SAMMSON: variants seen among roughly 807,000 people sequenced by gnomAD.
SAMMSON encodes the protein survival associated mitochondrial melanoma specific oncogenic non-coding RNA, also known as long intergenic non-protein coding RNA 1212.
At chr3:70,017,315 T>G (rs535907300) in intron 3 of SAMMSON, among the ~76,000 whole-genome samples, 6 of 152,084 alleles carry the variant, frequency 3.9e-5, no homozygotes, top group African/African-American at 1.4e-4. Context: ...CCCTTGTAAG[T>G]TGGATTCCTA....
intron 3 of SAMMSON, among the ~76,000 whole-genome samples, chr3:70,019,569 T>C (rs2067001886): frequency 6.6e-6 from 1 of 152,200 alleles, no homozygotes; most frequent in Non-Finnish European, 1.5e-5. Flanking sequence ...ATTGGAGCAT[T>C]TAGCCCATTT....
At chr3:70,415,192 T>C (rs1339642071) in intron 2 of SAMMSON, among the ~76,000 whole-genome samples, 2 of 152,140 alleles carry the variant, frequency 1.3e-5, no homozygotes, top group Non-Finnish European at 2.9e-5. Flanking sequence ...TTTAAGATAT[T>C]ATGAATTCAT....
chr3:70,016,250 G>A lies in SAMMSON; in HGVS notation n.417+2578G>A, dbSNP rs370405251. On this transcript the variant is annotated intron_variant and non_coding_transcript_variant, in intron 3 of 9. Coordinates refer to ENST00000642114, the Ensembl canonical transcript of SAMMSON. ...GTTGTTTCCTGACTTTTTAATGATT[G>A]CCATTCTAACTGGTGTGAGATGGAA... 6.2e-4 allele frequency among the ~76,000 whole-genome samples: 94 copies of A among 152,238 alleles called. No homozygotes were observed. In the East Asian group the frequency reaches 0.015, roughly 24 times the overall value.
intron 4 of SAMMSON, among the ~76,000 whole-genome samples, chr3:70,215,555 A>C (rs1053230553): frequency 2.6e-5 from 4 of 152,064 alleles, no homozygotes; most frequent in African/African-American, 9.7e-5. Flanking sequence ...AGCTTCCTAC[A>C]ACTGTCCCCT....
chr3:70,066,345 T>G (rs2067210504), intron 3 of SAMMSON, among the ~76,000 whole-genome samples: 1 of 152,158 alleles, frequency 6.6e-6, no homozygotes, highest in South Asian at 2.1e-4. Flanking sequence ...TTTATAATGT[T>G]GTTGTTAATC....
intron 3 of SAMMSON, chr3:70,014,400 A>T (rs1474768369): frequency 6.6e-6 from 1 of 151,576 alleles, no homozygotes; most frequent in African/African-American, 2.4e-5. Flanking sequence ...GTTCACTACG[A>T]GGAGACTTCA....
At chr3:70,257,913 T>C (rs1248218912) in intron 6 of SAMMSON, among the ~76,000 whole-genome samples, 1 of 152,180 alleles carries the variant, frequency 6.6e-6, no homozygotes, top group Non-Finnish European at 1.5e-5. Flanking sequence ...CAGCATGGTA[T>C]TGGTGTAAGG....
chr3:70,155,660 C>A (rs2067589414), intron 4 of SAMMSON, among the ~76,000 whole-genome samples: 1 of 152,048 alleles, frequency 6.6e-6, no homozygotes, highest in African/African-American at 2.4e-5. Flanking sequence ...TTCTTTCTAC[C>A]CCTTTCTTTC....
chr3:70,342,787 TTA>T (rs1326634038), intron 7 of SAMMSON, among the ~76,000 whole-genome samples: 1 of 152,198 alleles, frequency 6.6e-6, no homozygotes, highest in African/African-American at 2.4e-5. Context: ...GTAAATGTGA[TTA>T]TGTTTCTTTT....
intron 4 of SAMMSON, among the ~76,000 whole-genome samples, chr3:70,133,331 A>G (rs1335441727): frequency 1.3e-5 from 2 of 152,176 alleles, no homozygotes; most frequent in African/African-American, 4.8e-5. Flanking sequence ...GGGTTCAGAG[A>G]GCTTCCGAGC....
chr3:70,104,697 C>T (rs901171318), intron 4 of SAMMSON, among the ~76,000 whole-genome samples: 3 of 152,140 alleles, frequency 2.0e-5, no homozygotes, highest in South Asian at 2.1e-4. Flanking sequence ...TAGAACACCT[C>T]AAGAGATTCC....
At chr3:70,296,785 A>G (rs977831024) in intron 7 of SAMMSON, among the ~76,000 whole-genome samples, 3 of 151,828 alleles carry the variant, frequency 2.0e-5, no homozygotes, top group Non-Finnish European at 4.4e-5. Flanking sequence ...CTTTCTTCCA[A>G]TCTGCTTTTT....
chr3:70,307,410 A>T (rs1270750558), intron 7 of SAMMSON, among the ~76,000 whole-genome samples: 1 of 152,126 alleles, frequency 6.6e-6, no homozygotes, highest in Non-Finnish European at 1.5e-5. Context: ...TCTCTTCCGT[A>T]TCAAATGGTG....
chr3:70,069,484 A>C (rs2067222153), intron 3 of SAMMSON: 1 of 152,124 alleles, frequency 6.6e-6, no homozygotes, highest in Non-Finnish European at 1.5e-5. Context: ...AGTGCTGGAC[A>C]CTTACTGTAG....
At chr3:70,341,939 G>A (rs1237078078) in intron 7 of SAMMSON, among the ~76,000 whole-genome samples, 2 of 152,044 alleles carry the variant, frequency 1.3e-5, no homozygotes, top group Non-Finnish European at 2.9e-5. Context: ...GATATCCCTG[G>A]GAATCAAAGA....
intron 4 of SAMMSON, among the ~76,000 whole-genome samples, chr3:70,240,382 G>C (rs1407575349): frequency 6.6e-6 from 1 of 151,902 alleles, no homozygotes; most frequent in Non-Finnish European, 1.5e-5. Context: ...GTAGAAGTGA[G>C]CTATGTGGTT....
intron 3 of SAMMSON, chr3:70,014,118 C>G (rs1008016837): frequency 6.6e-6 from 1 of 152,192 alleles, no homozygotes; most frequent in East Asian, 1.9e-4. Context: ...GCCCTCATGG[C>G]AATGATGGTC....
intron 6 of SAMMSON, among the ~76,000 whole-genome samples, chr3:70,288,214 C>G (rs1201405014): frequency 7.3e-6 from 1 of 136,194 alleles, no homozygotes; most frequent in Admixed American, 7.5e-5. Context: ...AAATTTCCCT[C>G]TACACACTGC....
chr3:70,274,667 T>G (rs1398905851), intron 6 of SAMMSON, among the ~76,000 whole-genome samples: 1 of 152,082 alleles, frequency 6.6e-6, no homozygotes, highest in Non-Finnish European at 1.5e-5. Context: ...AATACCTAGG[T>G]GATGGATTGT....
Sources: allele counts gnomAD v4.1 joint callset (sites outside exome capture counted in the v4.1 genomes callset), GRCh38; gene constraint gnomAD v4.1.1; transcripts MANE v1.5; gene names NCBI Gene and HGNC (gene_info 2026-07-23, HGNC 2026-07-21).